Variants in TRDN observed in about 807,000 individuals in gnomAD.
TRDN encodes triadin in skeletal muscle.
A neutral mutation model predicts 149.7 loss-of-function variants in TRDN; 161 were observed. The observed-to-expected ratio is 1.08, with a 90% confidence interval of 0.95 to 1.23. The LOEUF (loss-of-function observed/expected upper bound fraction) is 1.23. Among genes scored for constraint, TRDN ranks in the 50% most tolerant of loss-of-function variants. TRDN has a pLI of 0.00. For missense variants in TRDN, 896 were observed against 823.5 expected, an observed-to-expected ratio of 1.09 and a Z score of -1.08; for synonymous variants, 294 against 250.5, an observed-to-expected ratio of 1.17 and a Z score of -1.64.
chr6:123,630,853 G>C (rs1785957105), intron 1 of TRDN, among the ~76,000 whole-genome samples: 1 of 151,856 alleles, frequency 6.6e-6, no homozygotes, highest in Non-Finnish European at 1.5e-5. Context: ...GCATGATCTT[G>C]TAAAATTTTT....
chr6:123,310,190 C>G (rs1726070514), intron 24 of TRDN, among the ~76,000 whole-genome samples: 1 of 151,918 alleles, frequency 6.6e-6, no homozygotes, highest in South Asian at 2.1e-4. Flanking sequence ...AGTGCAATAT[C>G]ATAAACCTTG....
rs550421395 is a variant in TRDN at position 123,423,877 on chromosome 6, T to C, written c.1051+14186A>G. Among the ~76,000 whole-genome samples the C allele has an allele frequency of 2.0e-5, 3 of 152,228 alleles. No homozygotes were observed. In the East Asian group the frequency reaches 5.8e-4, roughly 29 times the overall value. On this transcript the variant is annotated intron_variant, in intron 12 of 40. Coordinates refer to ENST00000334268, the MANE Select transcript of TRDN (RefSeq NM_006073.4). ...TCTATAAAAATAAATCATCTTCCTT[T>C]TTTCCTTTTTACTTAAAGACTATGG... is the stretch of plus-strand genomic sequence containing the variant.
intron 19 of TRDN, among the ~76,000 whole-genome samples, chr6:123,373,804 T>C (rs1781409515): frequency 6.6e-6 from 1 of 152,140 alleles, no homozygotes; most frequent in Non-Finnish European, 1.5e-5. Context: ...TAAAATCATA[T>C]CTCAAATGTG....
intron 26 of TRDN, among the ~76,000 whole-genome samples, chr6:123,275,511 A>G (rs933057279): frequency 2.6e-5 from 4 of 152,140 alleles, no homozygotes; most frequent in Non-Finnish European, 5.9e-5. Context: ...TAACTTCCAA[A>G]ATTGTGAGAG....
intron 12 of TRDN, among the ~76,000 whole-genome samples, chr6:123,425,002 A>C (rs1022670121): frequency 1.3e-5 from 2 of 152,130 alleles, no homozygotes; most frequent in Non-Finnish European, 2.9e-5. Context: ...ACTTGACTTT[A>C]GAGGTAAGAG....
At chr6:123,571,923 G>A (rs1336427916) in intron 1 of TRDN, among the ~76,000 whole-genome samples, 2 of 152,010 alleles carry the variant, frequency 1.3e-5, no homozygotes, top group Non-Finnish European at 2.9e-5. Flanking sequence ...TCTACCTTGG[G>A]ATAGGGCAGA....
chr6:123,443,895 C>A (rs1234907097), intron 10 of TRDN, among the ~76,000 whole-genome samples: 2 of 150,918 alleles, frequency 1.3e-5, no homozygotes, highest in African/African-American at 4.9e-5. Flanking sequence ...GTTTTGGTAC[C>A]AGTACCATGC....
At chr6:123,318,607 T>A (rs973705420) in intron 23 of TRDN, among the ~76,000 whole-genome samples, 1 of 152,068 alleles carries the variant, frequency 6.6e-6, no homozygotes, top group Non-Finnish European at 1.5e-5. Flanking sequence ...CAAATTTAAA[T>A]CTTTTCTTCC....
intron 1 of TRDN, 113 bp downstream of exon 1, chr6:123,636,641 C>T: frequency 8.0e-7 from 1 of 1,257,076 alleles, no homozygotes; most frequent in Non-Finnish European, 1.1e-6. Flanking sequence ...AATCATTGAC[C>T]AAGGCAATTA....
chr6:123,547,445 C>A, intron 3 of TRDN, 73 bp from the exon 4 acceptor site: 1 of 868,404 alleles, frequency 1.2e-6, no homozygotes, highest in Non-Finnish European at 1.6e-6. Flanking sequence ...CATTATTTTC[C>A]CCTTTTGTTT....
At chr6:123,584,116 G>T (rs1275198236) in intron 1 of TRDN, among the ~76,000 whole-genome samples, 2 of 152,086 alleles carry the variant, frequency 1.3e-5, no homozygotes, top group Non-Finnish European at 2.9e-5. Flanking sequence ...AATGTCAGGA[G>T]GATCAGACAG....
intron 20 of TRDN, among the ~76,000 whole-genome samples, chr6:123,359,897 G>C (rs576940583): frequency 6.6e-6 from 1 of 152,074 alleles, no homozygotes; most frequent in South Asian, 2.1e-4. Flanking sequence ...GGATTTCACC[G>C]TGTTAGCCAG....
At chr6:123,462,331 G>A (rs1776496929) in intron 10 of TRDN, 1 of 152,158 alleles carries the variant, frequency 6.6e-6, no homozygotes, top group Non-Finnish European at 1.5e-5. Context: ...ACTGAGACAA[G>A]AAGTACACAG....
intron 38 of TRDN, among the ~76,000 whole-genome samples, chr6:123,251,666 G>T (rs1456007965): frequency 6.6e-6 from 1 of 151,564 alleles, no homozygotes; most frequent in Non-Finnish European, 1.5e-5. Context: ...TTTGTATTGG[G>T]TGGTACTTAT....
chr6:123,463,778 T>C (rs1297665515), intron 10 of TRDN, among the ~76,000 whole-genome samples: 1 of 98,376 alleles, frequency 1.0e-5, no homozygotes, highest in Non-Finnish European at 1.9e-5. Context: ...TTTCTTTCTG[T>C]TTTTTTTTTT....
At chr6:123,621,336 C>A (rs1315609579) in intron 1 of TRDN, among the ~76,000 whole-genome samples, 1 of 152,112 alleles carries the variant, frequency 6.6e-6, no homozygotes, top group African/African-American at 2.4e-5. Flanking sequence ...CACAAGGTCA[C>A]CCTTTCTCCA....
rs77219786 is a variant in TRDN, at chr6:123,220,073, C to T, written c.2051-1333G>A. On this transcript the variant is annotated intron_variant, in intron 40 of 40. Transcript: ENST00000334268. ...GCTATAGAACTGCCTTCTTGTAAGA[C>T]GAAGATAGCAAATATCATTTTGATG... 3.3e-3 allele frequency among the ~76,000 whole-genome samples: 497 copies of T among 151,890 alleles called. 18 individuals carry two copies. In the East Asian group the frequency reaches 0.078, roughly 24 times the overall value.
rs550771621 is a variant in TRDN, at chr6:123,339,821, A to G, written c.1370-2152T>C. Among the ~76,000 whole-genome samples, 4 of 152,270 alleles carry G rather than the reference A, an allele frequency of 2.6e-5. No individual in the cohort carries two copies. In the South Asian group the frequency reaches 8.3e-4, roughly 32 times the overall value. On this transcript the variant is annotated intron_variant, in intron 21 of 40. Transcript: ENST00000334268. ...ACCGGCATGTTTCAAATCCAATCTCATATAATTTGTCTGTATTGACATATC... is the reference window on the plus strand; with the variant it reads ...ACCGGCATGTTTCAAATCCAATCTCGTATAATTTGTCTGTATTGACATATC...
rs116856903 is a variant in TRDN, at chr6:123,256,225, G to A, written c.1871-323C>T. Among the ~76,000 whole-genome samples, 1,068 of 152,214 alleles carry A rather than the reference G, an allele frequency of 7.0e-3. 4 individuals are homozygous for A. Among genetic ancestry groups the A allele is most frequent in the Non-Finnish European group, 0.013 (867 of 68,018 alleles). On this transcript the variant is annotated intron_variant, in intron 35 of 40. Transcript: ENST00000334268. ...TGTTCCGGTGTTAGTTTGCTGAGAC[G>A]ATGGTTTCCGGCTTCATCCATGTCC...
Sources: gnomAD v4.1 joint callset for allele counts (sites outside exome capture counted in the v4.1 genomes callset) on GRCh38, gnomAD v4.1.1 for gene constraint, MANE v1.5 for transcripts, NCBI Gene and HGNC (gene_info 2026-07-23, HGNC 2026-07-21) for gene names.